Variants in CPPED1 observed in about 807,000 individuals in gnomAD.
CPPED1 encodes the protein serine/threonine-protein phosphatase CPPED1.
CPPED1 carries 28 observed loss-of-function variants against 28.0 expected under a neutral mutation model. The ratio of observed to expected loss-of-function variants is 1.00; its 90% confidence interval spans 0.74 to 1.37. CPPED1 has a LOEUF of 1.37. CPPED1 is among the 40% of genes most tolerant of loss of function. The probability of loss-of-function intolerance (pLI) is 0.00; values close to 1 mark genes in which losing one functional copy is unlikely to be tolerated. For synonymous variants in CPPED1, 198 were observed against 180.2 expected (o/e 1.10, Z -0.79); for missense variants, 504 against 416.5 (o/e 1.21, Z -1.83).
intron 2 of CPPED1, among the ~76,000 whole-genome samples, chr16:12,776,005 G>C (rs1596480791): frequency 6.6e-6 from 1 of 152,162 alleles, no homozygotes; most frequent in African/African-American, 2.4e-5. Context: ...TTACAAATAT[G>C]CTACCTTATA....
intron 2 of CPPED1, among the ~76,000 whole-genome samples, chr16:12,751,914 G>C (rs1233647532): frequency 2.0e-4 from 31 of 152,072 alleles, no homozygotes; most frequent in Admixed American, 2.0e-3. Flanking sequence ...AAGATTTTCA[G>C]GACTCAGTGA....
chr16:12,754,762 G>T (rs780305129), intron 2 of CPPED1, among the ~76,000 whole-genome samples: 4 of 152,214 alleles, frequency 2.6e-5, no homozygotes, highest in African/African-American at 4.8e-5. Flanking sequence ...ACTTTGGGAG[G>T]CCAAGGCGGG....
rs117182206 is a variant in CPPED1 at position 12,766,040 on chromosome 16, T to G, written c.289+15145A>C. On this transcript the variant is annotated intron_variant, in intron 2 of 3. Transcript: ENST00000381774. ...GAAAAAGAAGATGTAAATAATCCAG[T>G]CAGCTAAGCACAAGCTAGAAAGACA... Among the ~76,000 whole-genome samples the G allele has an allele frequency of 9.3e-4, 141 of 152,044 alleles. 1 individual carries two copies. The East Asian group carries it at 0.025, about 26-fold the overall frequency.
At chr16:12,679,135 G>A (rs1409541297) in intron 3 of CPPED1, among the ~76,000 whole-genome samples, 1 of 152,178 alleles carries the variant, frequency 6.6e-6, no homozygotes, top group African/African-American at 2.4e-5. Flanking sequence ...TCCTCAGGAG[G>A]ACCTAAAGTA....
intron 1 of CPPED1, among the ~76,000 whole-genome samples, chr16:12,786,427 T>C (rs944764804): frequency 1.3e-5 from 2 of 152,156 alleles, no homozygotes; most frequent in Admixed American, 1.3e-4. Flanking sequence ...AGGGGCTTTG[T>C]TCAGGTTGTT....
chr16:12,706,972 T>C (rs2080054873), intron 2 of CPPED1, among the ~76,000 whole-genome samples: 1 of 152,032 alleles, frequency 6.6e-6, no homozygotes, highest in Non-Finnish European at 1.5e-5. Flanking sequence ...CTCTCAGGGG[T>C]GCTGGGGGTT....
intron 2 of CPPED1, among the ~76,000 whole-genome samples, chr16:12,755,908 G>A (rs764978054): frequency 7.9e-5 from 12 of 152,082 alleles, no homozygotes; most frequent in East Asian, 1.9e-4. Context: ...CAAGGCGGGC[G>A]GATCACCTGA....
chr16:12,679,354 T>TAAAACA (rs755831913), intron 3 of CPPED1, among the ~76,000 whole-genome samples: 6 of 152,276 alleles, frequency 3.9e-5, no homozygotes, highest in South Asian at 2.1e-4. Context: ...AAATAAAATG[T>TAAAACA]AAAACAAAAA....
intron 2 of CPPED1, among the ~76,000 whole-genome samples, chr16:12,741,610 C>G (rs1163867708): frequency 1.3e-5 from 2 of 152,084 alleles, no homozygotes; most frequent in Non-Finnish European, 2.9e-5. Flanking sequence ...GACAGAAGCC[C>G]CTTTATGGAC....
intron 1 of CPPED1, 135 bp from the exon 2 acceptor site, chr16:12,781,538 C>A: frequency 1.3e-6 from 1 of 761,956 alleles, no homozygotes; most frequent in Middle Eastern, 3.1e-4. Flanking sequence ...GTGGTTCAAA[C>A]ATACCATTTT....
At position 12,709,972 on chromosome 16, in the gene CPPED1, GGAAGGAAGGAAGGGAAGAGAAGA is replaced by G. The variant is rs1273081900; in HGVS notation, c.290-4946_290-4924del. 5.4e-5 allele frequency among the ~76,000 whole-genome samples: 8 copies of G among 148,030 alleles called. No homozygotes were observed. The highest frequency in any genetic ancestry group is 2.0e-4 in the East Asian group (1 of 5,096). On this transcript the variant is annotated intron_variant, in intron 2 of 3. Coordinates refer to ENST00000381774, the MANE Select transcript of CPPED1 (RefSeq NM_018340.3). The surrounding 1 kb of genome is among the most constrained non-coding windows in gnomAD (Gnocchi z 4.4). ...GAAGGAAAGAAGGGAAGGAAGGCAA[GGAAGGAAGGAAGGGAAGAGAAGA>G]GAAGGAAGGAAGGGAAGGAAGGGAG...
chr16:12,744,294 G>GAAAGCAAGCA (rs1555488298), intron 2 of CPPED1, among the ~76,000 whole-genome samples: 1 of 76,364 alleles, frequency 1.3e-5, no homozygotes, highest in Admixed American at 1.5e-4. Context: ...GAGAGAGAGA[G>GAAAGCAAGCA]AGAAAGCAAG....
At chr16:12,744,293 AG>A (rs557276499) in intron 2 of CPPED1, among the ~76,000 whole-genome samples, 56,455 of 115,304 alleles carry the variant, frequency 0.49, 12,052 homozygotes, top group Admixed American at 0.59. Context: ...AGAGAGAGAG[AG>A]AGAAAGCAAG....
chr16:12,736,189 C>A (rs1010543269), intron 2 of CPPED1, among the ~76,000 whole-genome samples: 2 of 151,218 alleles, frequency 1.3e-5, no homozygotes, highest in East Asian at 1.9e-4. Flanking sequence ...CTGTGTAGAT[C>A]ATATGCAAGT....
intron 2 of CPPED1, among the ~76,000 whole-genome samples, chr16:12,739,422 A>C (rs1271699377): frequency 6.6e-6 from 1 of 152,150 alleles, no homozygotes. Context: ...TCTACTAAAA[A>C]TACAAAATAT....
At chr16:12,752,348 T>C (rs750022756) in intron 2 of CPPED1, among the ~76,000 whole-genome samples, 4 of 152,074 alleles carry the variant, frequency 2.6e-5, no homozygotes, top group Non-Finnish European at 5.9e-5. Flanking sequence ...GTTGTCATGC[T>C]TGATAAGAAA....
At chr16:12,687,603 T>C (rs966136957) in intron 3 of CPPED1, among the ~76,000 whole-genome samples, 7 of 152,166 alleles carry the variant, frequency 4.6e-5, no homozygotes, top group Non-Finnish European at 1.0e-4. Flanking sequence ...AAACCCCATC[T>C]CTACTAAAAA....
At chr16:12,786,405 C>CTAAAA (rs113128283) in intron 1 of CPPED1, among the ~76,000 whole-genome samples, 17,954 of 152,160 alleles carry the variant, frequency 0.12, 1,200 homozygotes, top group African/African-American at 0.17. Context: ...TTTCCTTAAA[C>CTAAAA]TAACACTTCA....
At chr16:12,788,217 T>C (rs2080575818) in intron 1 of CPPED1, among the ~76,000 whole-genome samples, 1 of 152,182 alleles carries the variant, frequency 6.6e-6, no homozygotes, top group African/African-American at 2.4e-5. Context: ...GTTCTGCTCA[T>C]TACAATCAAG....
Sources: allele counts gnomAD v4.1 joint callset (sites outside exome capture counted in the v4.1 genomes callset), GRCh38; gene constraint gnomAD v4.1.1; non-coding constraint Gnocchi (gnomAD v3.1); transcripts MANE v1.5; gene names NCBI Gene and HGNC (gene_info 2026-07-23, HGNC 2026-07-21).